Variants in PPARG observed in about 807,000 individuals in gnomAD.
PPARG encodes peroxisome proliferator activated receptor gamma, also known as peroxisome proliferator-activated receptor gamma.
PPARG carries 17 observed loss-of-function variants against 39.2 expected under a neutral mutation model. That is an observed-to-expected ratio of 0.43 (90% confidence interval 0.30 to 0.65). The LOEUF is 0.65. Ranked by LOEUF, PPARG falls within the 30% of genes least tolerant of loss-of-function variation. PPARG has a pLI of 0.13. For missense variants in PPARG, 406 were observed against 585.9 expected, an observed-to-expected ratio of 0.69 and a Z score of 3.17; for synonymous variants, 223 against 215.7, an observed-to-expected ratio of 1.03 and a Z score of -0.30.
intron 4 of PPARG, among the ~76,000 whole-genome samples, chr3:12,392,244 G>A (rs537119629): frequency 6.6e-6 from 1 of 152,308 alleles, no homozygotes; most frequent in Admixed American, 6.5e-5. Context: ...GCTGGGGCAT[G>A]CTGTTGGAAT....
At chr3:12,325,108 G>A (rs2047655199) in intron 2 of PPARG, among the ~76,000 whole-genome samples, 1 of 151,420 alleles carries the variant, frequency 6.6e-6, no homozygotes, top group African/African-American at 2.4e-5. Flanking sequence ...CCAATATGGT[G>A]AGACCCCGTC....
At chr3:12,331,184 A>C (rs1389167279) in intron 2 of PPARG, among the ~76,000 whole-genome samples, 2 of 152,242 alleles carry the variant, frequency 1.3e-5, no homozygotes, top group Admixed American at 1.3e-4. Flanking sequence ...GCAGAAAAAG[A>C]ACAAGTATTA....
intron 1 of PPARG, among the ~76,000 whole-genome samples, chr3:12,310,396 A>T (rs183017318): frequency 1.3e-5 from 2 of 151,386 alleles, no homozygotes; most frequent in East Asian, 1.9e-4. Context: ...TAATTTTTAC[A>T]TACAGATTTG....
intron 1 of PPARG, among the ~76,000 whole-genome samples, chr3:12,308,330 C>CA (rs1406935997): frequency 9.1e-6 from 1 of 109,780 alleles, no homozygotes; most frequent in East Asian, 2.6e-4. Flanking sequence ...GATGACAGAG[C>CA]AAGACCCTGT....
At chr3:12,382,101 C>CTT (rs2049691518) in intron 4 of PPARG, among the ~76,000 whole-genome samples, 2 of 152,068 alleles carry the variant, frequency 1.3e-5, no homozygotes, top group South Asian at 4.1e-4. Context: ...AAGGTCATCC[C>CTT]TTAGTAAGTG....
At chr3:12,297,526 A>G (rs1268357164) in intron 1 of PPARG, among the ~76,000 whole-genome samples, 1 of 152,076 alleles carries the variant, frequency 6.6e-6, no homozygotes, top group Non-Finnish European at 1.5e-5. Flanking sequence ...GATCAAGGCA[A>G]TATATGATTT....
At chr3:12,372,115 C>A (rs774232294) in intron 2 of PPARG, 3 of 720,912 alleles carry the variant, frequency 4.2e-6, no homozygotes, top group Non-Finnish European at 7.8e-6. Context: ...TTTTCAGGCA[C>A]GTACTCTTGT....
intron 6 of PPARG, among the ~76,000 whole-genome samples, chr3:12,408,571 T>C (rs1301929501): frequency 1.8e-5 from 2 of 113,438 alleles, no homozygotes; most frequent in Admixed American, 2.2e-4. Context: ...TCTTTTCTTT[T>C]TTTTTTTTTT....
chr3:12,292,243 G>A (rs967672315), intron 1 of PPARG, among the ~76,000 whole-genome samples: 1 of 152,138 alleles, frequency 6.6e-6, no homozygotes, highest in South Asian at 2.1e-4. Context: ...CCAGCTTTGC[G>A]AGTCCTGTGT....
intron 3 of PPARG, 82 bp from the exon 4 acceptor site, chr3:12,381,240 G>A: frequency 7.8e-7 from 1 of 1,274,604 alleles, no homozygotes; most frequent in Non-Finnish European, 1.1e-6. Context: ...CAGCATGAAG[G>A]TGTACTATGG....
intron 6 of PPARG, among the ~76,000 whole-genome samples, chr3:12,413,232 TA>T (rs1364773946): frequency 6.6e-6 from 1 of 152,122 alleles, no homozygotes; most frequent in Non-Finnish European, 1.5e-5. Context: ...GGTTTGAGGG[TA>T]AGGAGGTCCC....
At chr3:12,296,868 A>G (rs930244187) in intron 1 of PPARG, among the ~76,000 whole-genome samples, 36 of 152,260 alleles carry the variant, frequency 2.4e-4, no homozygotes, top group African/African-American at 8.4e-4. Flanking sequence ...GTAAACCTCA[A>G]TTCCAGTTTA....
At chr3:12,363,887 AAT>A (rs2048931409) in intron 2 of PPARG, among the ~76,000 whole-genome samples, 5 of 151,908 alleles carry the variant, frequency 3.3e-5, no homozygotes, top group African/African-American at 1.2e-4. Flanking sequence ...TTTATTTTTT[AAT>A]TAATAACTTT....
intron 1 of PPARG, among the ~76,000 whole-genome samples, chr3:12,307,733 G>A (rs568667334): frequency 6.6e-6 from 1 of 152,202 alleles, no homozygotes; most frequent in African/African-American, 2.4e-5. Flanking sequence ...TGAAGGGAAG[G>A]AGTATATGAG....
intron 2 of PPARG, among the ~76,000 whole-genome samples, chr3:12,366,585 G>A (rs577187405): frequency 6.6e-6 from 1 of 152,144 alleles, no homozygotes; most frequent in South Asian, 2.1e-4. Context: ...TGTTTTGTTT[G>A]TAGATGTTCC....
chr3:12,363,480 G>A (rs967599463), intron 2 of PPARG, among the ~76,000 whole-genome samples: 1 of 112,988 alleles, frequency 8.9e-6, no homozygotes, highest in East Asian at 2.9e-4. Context: ...TTTCAAAAGA[G>A]CATAGAGTGT....
chr3:12,409,192 C>G (rs771548254), intron 6 of PPARG, among the ~76,000 whole-genome samples: 5 of 152,186 alleles, frequency 3.3e-5, no homozygotes, highest in Non-Finnish European at 5.9e-5. Context: ...TCTGGACTTT[C>G]AACAGAGGGC....
Position 12,403,328 on chromosome 3 carries a change from T to A in PPARG, c.530-2554T>A, listed in dbSNP as rs1348986968. On this transcript the variant is annotated intron_variant, in intron 5 of 7. Coordinates refer to ENST00000651735, the MANE Select transcript of PPARG (RefSeq NM_138711.6). ...AAAAAGTTGTTATACTGTATTTTTT[T>A]ATTTGTCTTATTTTTTATCATTGTT... 2.6e-5 allele frequency among the ~76,000 whole-genome samples: 4 copies of A among 152,008 alleles called. No individual in the cohort carries two copies. In the East Asian group the frequency reaches 5.8e-4, roughly 22 times the overall value.
intron 4 of PPARG, among the ~76,000 whole-genome samples, chr3:12,383,082 A>AT (rs1165552549): frequency 6.6e-6 from 1 of 152,224 alleles, no homozygotes; most frequent in Admixed American, 6.5e-5. Flanking sequence ...TAATACAGTG[A>AT]AAAGGGACAA....
Sources: allele counts gnomAD v4.1 joint callset (sites outside exome capture counted in the v4.1 genomes callset), GRCh38; gene constraint gnomAD v4.1.1; transcripts MANE v1.5; gene names NCBI Gene and HGNC (gene_info 2026-07-23, HGNC 2026-07-21).